Variants in ZYG11A observed in about 807,000 individuals in gnomAD.
The protein encoded by ZYG11A is zyg-11 family member A, cell cycle regulator.
ZYG11A carries 62 observed loss-of-function variants against 77.2 expected under a neutral mutation model. That is an observed-to-expected ratio of 0.80 (90% CI 0.65 to 0.99). The LOEUF is 0.99. Ranked by LOEUF, ZYG11A falls within the 50% of genes least tolerant of loss-of-function variation. The probability of loss-of-function intolerance (pLI) is 0.00; values close to 1 mark genes in which losing one functional copy is unlikely to be tolerated. For missense variants in ZYG11A, 828 were observed against 896.8 expected, an observed-to-expected ratio of 0.92 and a Z score of 0.98; for synonymous variants, 315 against 324.6, an observed-to-expected ratio of 0.97 and a Z score of 0.32.
chr1:52,846,518 A>C (rs1645588632), intron 1 of ZYG11A, among the ~76,000 whole-genome samples: 2 of 151,262 alleles, frequency 1.3e-5, no homozygotes, highest in African/African-American at 4.8e-5. Context: ...ATTCCCGGCT[A>C]ATTTTTGTAT....
intron 13 of ZYG11A, among the ~76,000 whole-genome samples, chr1:52,887,323 C>G (rs1431537605): frequency 5.9e-5 from 9 of 152,086 alleles, no homozygotes; most frequent in Non-Finnish European, 1.2e-4. Context: ...AATTTGATAC[C>G]TAATCTCCCA....
chr1:52,863,922 C>T, intron 4 of ZYG11A, 59 bp from the exon 5 acceptor site: 1 of 1,445,372 alleles, frequency 6.9e-7, no homozygotes, highest in South Asian at 1.4e-5. Flanking sequence ...AAAACATGCA[C>T]AAGACAGCAT....
intron 11 of ZYG11A, among the ~76,000 whole-genome samples, chr1:52,882,540 T>C (rs1283545928): frequency 6.6e-6 from 1 of 152,230 alleles, no homozygotes; most frequent in Non-Finnish European, 1.5e-5. Context: ...TCCCACCTTT[T>C]GTTGGACCAT....
At chr1:52,856,281 C>G (rs1320083052) in intron 2 of ZYG11A, among the ~76,000 whole-genome samples, 1 of 151,886 alleles carries the variant, frequency 6.6e-6, no homozygotes, top group East Asian at 1.9e-4. Context: ...ACCTTACGTG[C>G]CTGTTACATA....
At chr1:52,843,019 C>G in intron 1 of ZYG11A, 46 bp downstream of exon 1, 1 of 1,465,556 alleles carries the variant, frequency 6.8e-7, no homozygotes, top group Non-Finnish European at 9.1e-7. Context: ...GGCGCCACGT[C>G]CAGCTCCGGC....
intron 1 of ZYG11A, among the ~76,000 whole-genome samples, chr1:52,844,202 C>T (rs1351720973): frequency 6.6e-6 from 1 of 152,152 alleles, no homozygotes; most frequent in African/African-American, 2.4e-5. Context: ...GTGGTGAAGG[C>T]TCGACCCAAA....
chr1:52,853,158 T>C (rs1645745499), intron 1 of ZYG11A, among the ~76,000 whole-genome samples: 1 of 152,234 alleles, frequency 6.6e-6, no homozygotes, highest in Non-Finnish European at 1.5e-5. Flanking sequence ...ATCGTGTGGC[T>C]GACTGGGAGC....
chr1:52,890,345 C>T (rs1451552229), intron 13 of ZYG11A, among the ~76,000 whole-genome samples: 2 of 147,376 alleles, frequency 1.4e-5, no homozygotes, highest in African/African-American at 2.5e-5. Flanking sequence ...AGGGGTTCCC[C>T]TGCCTCAGCC....
At chr1:52,863,447 T>C (rs1163792476) in intron 4 of ZYG11A, among the ~76,000 whole-genome samples, 1 of 152,198 alleles carries the variant, frequency 6.6e-6, no homozygotes, top group Non-Finnish European at 1.5e-5. Flanking sequence ...ATTTATCTCC[T>C]CCTGTGTAAA....
At chr1:52,874,144 G>A (rs1012974042) in intron 8 of ZYG11A, among the ~76,000 whole-genome samples, 2 of 151,834 alleles carry the variant, frequency 1.3e-5, no homozygotes, top group Admixed American at 1.3e-4. Flanking sequence ...TTGATCAGTC[G>A]GCAGCCATCA....
At chr1:52,846,322 A>T (rs1235507562) in intron 1 of ZYG11A, among the ~76,000 whole-genome samples, 182 of 5,278 alleles carry the variant, frequency 0.034, 7 homozygotes, top group African/African-American at 0.16. Flanking sequence ...ATATATATAT[A>T]TATATATATA....
At chr1:52,869,137 T>C (rs1159690239) in intron 8 of ZYG11A, among the ~76,000 whole-genome samples, 2 of 152,008 alleles carry the variant, frequency 1.3e-5, no homozygotes, top group Non-Finnish European at 2.9e-5. Context: ...GAGTCATTTA[T>C]ATTTTTTGTA....
intron 11 of ZYG11A, among the ~76,000 whole-genome samples, chr1:52,883,148 A>G (rs1380346524): frequency 6.6e-6 from 1 of 151,732 alleles, no homozygotes; most frequent in African/African-American, 2.4e-5. Context: ...ATAGGCTCTC[A>G]CTCTGTTGTC....
intron 13 of ZYG11A, among the ~76,000 whole-genome samples, chr1:52,891,859 T>C (rs1646548850): frequency 6.6e-6 from 1 of 151,926 alleles, no homozygotes; most frequent in African/African-American, 2.4e-5. Context: ...TGTACATTCA[T>C]CTATGCATTA....
chr1:52,891,930 C>T (rs910854604), intron 13 of ZYG11A, among the ~76,000 whole-genome samples: 5 of 151,556 alleles, frequency 3.3e-5, no homozygotes, highest in Admixed American at 1.3e-4. Flanking sequence ...GACAGAGTCT[C>T]GCTCTGTCGC....
At chr1:52,863,928 A>G (rs1016088767) in intron 4 of ZYG11A, 53 bp from the exon 5 acceptor site, 201 of 1,466,446 alleles carry the variant, frequency 1.4e-4, no homozygotes, top group Non-Finnish European at 1.6e-4. Flanking sequence ...TGCACAAGAC[A>G]GCATAGAGAA....
chr1:52,878,949 C>CAAAAAAAAAA (rs914463472), intron 10 of ZYG11A, among the ~76,000 whole-genome samples: 1 of 27,274 alleles, frequency 3.7e-5, no homozygotes, highest in Non-Finnish European at 9.6e-5. Flanking sequence ...AAACTCTGCT[C>CAAAAAAAAAA]AAAAAAAAAA....
intron 1 of ZYG11A, among the ~76,000 whole-genome samples, chr1:52,845,708 T>A (rs1219481391): frequency 3.3e-5 from 5 of 151,950 alleles, no homozygotes; most frequent in Non-Finnish European, 4.4e-5. Flanking sequence ...ATGTATTTTT[T>A]AAATTGATTT....
At chr1:52,891,500 T>A (rs898301405) in intron 13 of ZYG11A, among the ~76,000 whole-genome samples, 1 of 151,790 alleles carries the variant, frequency 6.6e-6, no homozygotes, top group Non-Finnish European at 1.5e-5. Flanking sequence ...TTCCATAGGC[T>A]TGTGCTCGTT....
Sources: allele counts gnomAD v4.1 joint callset (sites outside exome capture counted in the v4.1 genomes callset), GRCh38; gene constraint gnomAD v4.1.1; transcripts MANE v1.5; gene names NCBI Gene and HGNC (gene_info 2026-07-23, HGNC 2026-07-21).